HS1BP3: variants seen among roughly 807,000 people sequenced by gnomAD.
HS1BP3 encodes HCLS1 binding protein 3, also known as HCLS1-binding protein 3.
A neutral mutation model predicts 33.5 loss-of-function variants in HS1BP3; 32 were observed. That is an observed-to-expected ratio of 0.95 (90% CI 0.72 to 1.28). HS1BP3 has a LOEUF of 1.28. Among genes scored for constraint, HS1BP3 ranks in the 50% most tolerant of loss-of-function variants. HS1BP3 has a pLI of 0.00. For missense variants in HS1BP3, 486 were observed against 502.3 expected (o/e 0.97, Z 0.31); for synonymous variants, 187 against 209.2 (o/e 0.89, Z 0.92).
At chr2:20,624,522 C>T (rs535383652) in intron 5 of HS1BP3, among the ~76,000 whole-genome samples, 2 of 152,222 alleles carry the variant, frequency 1.3e-5, no homozygotes, top group African/African-American at 4.8e-5. Flanking sequence ...TAGGCAGGCC[C>T]TATCGCTTAC....
intron 5 of HS1BP3, among the ~76,000 whole-genome samples, chr2:20,562,771 C>T (rs1572284578): frequency 6.6e-6 from 1 of 152,212 alleles, no homozygotes; most frequent in African/African-American, 2.4e-5. Context: ...AGACAGGCAG[C>T]TGGTGTCTGC....
chr2:20,616,529 AG>A (rs1694429274), downstream of HS1BP3, among the ~76,000 whole-genome samples: 1 of 152,180 alleles, frequency 6.6e-6, no homozygotes, highest in Non-Finnish European at 1.5e-5. Flanking sequence ...GTGGGAGAAT[AG>A]GGGGTAGGTC....
At chr2:20,597,498 G>A (rs1342808425) in intron 3 of HS1BP3, among the ~76,000 whole-genome samples, 1 of 152,110 alleles carries the variant, frequency 6.6e-6, no homozygotes, top group Non-Finnish European at 1.5e-5. Context: ...AAAGGAAGTT[G>A]ATTTCCATGA....
At chr2:20,601,063 C>A (rs1694060184) in intron 2 of HS1BP3, among the ~76,000 whole-genome samples, 1 of 152,172 alleles carries the variant, frequency 6.6e-6, no homozygotes, top group African/African-American at 2.4e-5. Context: ...GAAAATTATT[C>A]TAAACAGTAC....
At chr2:20,579,602 A>G (rs917103947) in intron 5 of HS1BP3, among the ~76,000 whole-genome samples, 5 of 152,184 alleles carry the variant, frequency 3.3e-5, no homozygotes, top group African/African-American at 1.2e-4. Context: ...TTTTCTCCCT[A>G]GTCCTCCATA....
At chr2:20,638,257 C>T (rs898407791) in intron 4 of HS1BP3, 179 bp downstream of exon 4, 9 of 625,190 alleles carry the variant, frequency 1.4e-5, no homozygotes. Context: ...TGCACACCAC[C>T]AAGGGCACGC....
At chr2:20,628,062 C>T (rs1694844177) in intron 4 of HS1BP3, among the ~76,000 whole-genome samples, 1 of 152,124 alleles carries the variant, frequency 6.6e-6, no homozygotes, top group African/African-American at 2.4e-5. Flanking sequence ...CAGACAGCGC[C>T]CTATGTGCGA....
At chr2:20,559,280 A>G (rs546172892), downstream of HS1BP3, among the ~76,000 whole-genome samples, 168 of 152,312 alleles carry the variant, frequency 1.1e-3, no homozygotes, top group African/African-American at 3.7e-3. Flanking sequence ...TGCCTTGGCA[A>G]TGCTCCCTTT....
chr2:20,624,943 G>C (rs777403431), intron 4 of HS1BP3, 51 bp from the exon 5 acceptor site: 14 of 1,606,436 alleles, frequency 8.7e-6, no homozygotes, highest in Non-Finnish European at 1.2e-5. Flanking sequence ...CAAGTGTCCA[G>C]GTGGTCCGGT....
downstream of HS1BP3, among the ~76,000 whole-genome samples, chr2:20,588,677 T>G (rs1458478592): frequency 6.6e-6 from 1 of 152,062 alleles, no homozygotes; most frequent in Non-Finnish European, 1.5e-5. Flanking sequence ...GGGTTTCAGC[T>G]CCCTCCTGGG....
chr2:20,639,290 G>A (rs568460219), intron 3 of HS1BP3, among the ~76,000 whole-genome samples: 17 of 152,348 alleles, frequency 1.1e-4, no homozygotes, highest in Admixed American at 3.3e-4. Context: ...ACCACAATGA[G>A]GTAAGTAGAG....
At chr2:20,556,419 T>G (rs1261974297), downstream of HS1BP3, among the ~76,000 whole-genome samples, 1 of 152,234 alleles carries the variant, frequency 6.6e-6, no homozygotes, top group Non-Finnish European at 1.5e-5. Flanking sequence ...AATCCGAGTT[T>G]ATGTTCTGAC....
At chr2:20,631,392 G>A (rs1049913058) in intron 4 of HS1BP3, among the ~76,000 whole-genome samples, 6 of 151,996 alleles carry the variant, frequency 3.9e-5, no homozygotes, top group Non-Finnish European at 5.9e-5. Flanking sequence ...GTGCATGCCT[G>A]TAGTTCCAGC....
At chr2:20,588,953 C>T, downstream of HS1BP3, among the ~76,000 whole-genome samples, 1 of 152,206 alleles carries the variant, frequency 6.6e-6, no homozygotes, top group East Asian at 1.9e-4. Context: ...TCGTGCTTGT[C>T]TCATGATCTC....
intron 2 of HS1BP3, among the ~76,000 whole-genome samples, chr2:20,644,288 C>A (rs996917639): frequency 1.3e-5 from 2 of 152,190 alleles, no homozygotes; most frequent in Non-Finnish European, 2.9e-5. Context: ...GCCTCAACTG[C>A]AGACTCCTCC....
chr2:20,554,702 C>T, the HS1BP3 span, among the ~76,000 whole-genome samples: 2 of 131,616 alleles, frequency 1.5e-5, no homozygotes, highest in Non-Finnish European at 1.6e-5. Flanking sequence ...GAAACTCCAC[C>T]TCACAAAAAA....
At chr2:20,593,217 C>T (rs1395725722) in intron 3 of HS1BP3, among the ~76,000 whole-genome samples, 1 of 152,132 alleles carries the variant, frequency 6.6e-6, no homozygotes, top group African/African-American at 2.4e-5. Context: ...TGGCCAGGCC[C>T]TCCCTGGCCA....
chr2:20,603,664 A>G (rs1694115003), intron 2 of HS1BP3, among the ~76,000 whole-genome samples: 1 of 152,258 alleles, frequency 6.6e-6, no homozygotes, highest in Admixed American at 6.5e-5. Context: ...TGATTGTGGT[A>G]GTATTTGTAC....
intron 1 of HS1BP3, among the ~76,000 whole-genome samples, chr2:20,645,806 G>C (rs980154326): frequency 6.6e-6 from 1 of 152,226 alleles, no homozygotes; most frequent in African/African-American, 2.4e-5. Context: ...CACAAACTCT[G>C]TGCAGAATGG....
Sources: gnomAD v4.1 joint callset for allele counts (sites outside exome capture counted in the v4.1 genomes callset) on GRCh38, gnomAD v4.1.1 for gene constraint, MANE v1.5 for transcripts, NCBI Gene and HGNC (gene_info 2026-07-23, HGNC 2026-07-21) for gene names.